Variants in SPOCK3 observed in about 807,000 individuals in gnomAD.
SPOCK3 encodes SPARC (osteonectin), cwcv and kazal like domains proteoglycan 3, also known as testican-3.
SPOCK3 carries 30 observed loss-of-function variants against 56.6 expected under a neutral mutation model. That is an observed-to-expected ratio of 0.53 (90% CI 0.40 to 0.72). SPOCK3 has a LOEUF of 0.72. Ranked by LOEUF, SPOCK3 falls within the 30% of genes least tolerant of loss-of-function variation. The pLI, the probability that SPOCK3 is intolerant of heterozygous loss-of-function variation, is 0.00. For synonymous variants in SPOCK3, 196 were observed against 183.3 expected, an observed-to-expected ratio of 1.07 and a Z score of -0.56; for missense variants, 527 against 530.0, an observed-to-expected ratio of 0.99 and a Z score of 0.06.
At chr4:167,058,083 T>A (rs1755111074) in intron 3 of SPOCK3, among the ~76,000 whole-genome samples, 1 of 152,142 alleles carries the variant, frequency 6.6e-6, no homozygotes, top group Admixed American at 6.5e-5. Context: ...TTTAACAAAC[T>A]GTCTCTCAGA....
intron 2 of SPOCK3, among the ~76,000 whole-genome samples, chr4:167,094,335 C>T (rs929955393): frequency 6.6e-6 from 1 of 152,078 alleles, no homozygotes; most frequent in East Asian, 1.9e-4. Flanking sequence ...TAAATTTACA[C>T]ATACACACTA....
rs561557905 is a variant in SPOCK3, at chr4:167,163,551, C to A, written c.189+70434G>T. 2.0e-5 allele frequency among the ~76,000 whole-genome samples: 3 copies of A among 151,974 alleles called. 1 individual carries two copies. The highest frequency in any genetic ancestry group is 4.4e-5 in the Non-Finnish European group (3 of 67,930). On this transcript the variant is annotated intron_variant, in intron 2 of 10. Coordinates refer to ENST00000357545, the MANE Select transcript of SPOCK3 (RefSeq NM_001040159.2). The stretch of plus-strand genomic sequence containing the variant: ...ATTCATCTAACTATGTTTTTGTAGC[C>A]ATTAACTCTCCCCACTTTCCCCACC...
chr4:167,079,875 G>A (rs2150286873), intron 2 of SPOCK3, among the ~76,000 whole-genome samples: 1 of 152,064 alleles, frequency 6.6e-6, no homozygotes, highest in East Asian at 1.9e-4. Flanking sequence ...CTCTAATGTG[G>A]GTATTAAATT....
chr4:167,175,667 A>G (rs1180403651), intron 2 of SPOCK3, among the ~76,000 whole-genome samples: 1 of 152,078 alleles, frequency 6.6e-6, no homozygotes, highest in Non-Finnish European at 1.5e-5. Context: ...GAGGCTTGGG[A>G]AAGACAGGCA....
At chr4:167,205,294 TCTATAATATATA>T (rs1733992203) in intron 2 of SPOCK3, among the ~76,000 whole-genome samples, 1 of 48,404 alleles carries the variant, frequency 2.1e-5, no homozygotes, top group Non-Finnish European at 4.0e-5. Context: ...ATATTTTATA[TCTATAATATATA>T]TTATATATTT....
intron 2 of SPOCK3, among the ~76,000 whole-genome samples, chr4:167,214,285 AT>A (rs1453295738): frequency 6.6e-6 from 1 of 152,176 alleles, no homozygotes; most frequent in Non-Finnish European, 1.5e-5. Flanking sequence ...ACCTATAAAA[AT>A]ATTTGTCGTT....
intron 2 of SPOCK3, among the ~76,000 whole-genome samples, chr4:167,147,386 G>A (rs1215274769): frequency 6.6e-6 from 1 of 152,142 alleles, no homozygotes; most frequent in Non-Finnish European, 1.5e-5. Context: ...GTACTCCATT[G>A]TGCAAGACAG....
intron 2 of SPOCK3, among the ~76,000 whole-genome samples, chr4:167,086,502 T>G (rs1758211800): frequency 6.6e-6 from 1 of 152,090 alleles, no homozygotes; most frequent in Admixed American, 6.6e-5. Flanking sequence ...TGAACATGGT[T>G]CTGGGTTCTG....
Position 166,737,588 on chromosome 4 carries a change from C to G in SPOCK3, c.1011G>C (p.Leu337=). 1 of 1,612,444 alleles carries G rather than the reference C, an allele frequency of 6.2e-7. No individual in the cohort carries two copies. The highest frequency in any genetic ancestry group is 1.3e-5 in the African/African-American group (1 of 75,018). ...GCTTGTAGTAACCATCTTCATCACACAGGGGGATATACTGTCCTGTTGAAA... is the reference window on the plus strand; with the variant it reads ...GCTTGTAGTAACCATCTTCATCACAGAGGGGGATATACTGTCCTGTTGAAA... The part of the protein sequence containing the change: ...VKKLLGQYIP[L]CDEDGYYKPT... Residue 337 remains leucine (L), a synonymous_variant, in exon 10 of 11, where the codon CTG becomes CTC. Coordinates refer to ENST00000357545, the MANE Select transcript of SPOCK3 (RefSeq NM_001040159.2).
At chr4:167,117,282 T>A (rs1302795754) in intron 2 of SPOCK3, among the ~76,000 whole-genome samples, 9 of 152,086 alleles carry the variant, frequency 5.9e-5, no homozygotes, top group Admixed American at 5.2e-4. Context: ...AAACTGCCAC[T>A]TGTGGGCTGG....
At chr4:167,223,227 TA>T (rs1447662458) in intron 2 of SPOCK3, among the ~76,000 whole-genome samples, 1 of 137,680 alleles carries the variant, frequency 7.3e-6, no homozygotes, top group Non-Finnish European at 1.5e-5. Context: ...ATATATAATA[TA>T]TAATATATTT....
intron 6 of SPOCK3, among the ~76,000 whole-genome samples, chr4:166,862,424 T>C (rs1731331186): frequency 6.6e-6 from 1 of 152,084 alleles, no homozygotes; most frequent in African/African-American, 2.4e-5. Context: ...CATGGGCTCA[T>C]ACACAAGTGA....
At chr4:167,184,504 T>C (rs1332505417) in intron 2 of SPOCK3, among the ~76,000 whole-genome samples, 1 of 152,138 alleles carries the variant, frequency 6.6e-6, no homozygotes, top group Non-Finnish European at 1.5e-5. Flanking sequence ...GGAAGGCACT[T>C]TACCAGAATT....
intron 2 of SPOCK3, among the ~76,000 whole-genome samples, chr4:167,228,735 G>C (rs778400129): frequency 7.9e-5 from 12 of 152,238 alleles, no homozygotes; most frequent in Non-Finnish European, 1.8e-4. Flanking sequence ...CCAGAGCCTA[G>C]CCCTTTGCTG....
intron 6 of SPOCK3, among the ~76,000 whole-genome samples, chr4:166,825,682 TA>T (rs987115686): frequency 4.0e-5 from 6 of 151,864 alleles, no homozygotes; most frequent in Non-Finnish European, 5.9e-5. Context: ...GAATATACCA[TA>T]AAAAAAGTGG....
At chr4:167,151,126 G>T (rs1174968345) in intron 2 of SPOCK3, among the ~76,000 whole-genome samples, 1 of 152,098 alleles carries the variant, frequency 6.6e-6, no homozygotes, top group Non-Finnish European at 1.5e-5. Flanking sequence ...TAGATATGTC[G>T]ATGCCCAGGC....
chr4:167,033,427 G>A (rs1008029433), intron 3 of SPOCK3, among the ~76,000 whole-genome samples: 1 of 143,102 alleles, frequency 7.0e-6, no homozygotes, highest in Non-Finnish European at 1.5e-5. Flanking sequence ...ATTATTAAGG[G>A]TTTGATATGG....
At chr4:167,102,922 GAAAA>G (rs55740507) in intron 2 of SPOCK3, among the ~76,000 whole-genome samples, 2 of 62,516 alleles carry the variant, frequency 3.2e-5, no homozygotes, top group African/African-American at 6.1e-5. Context: ...ATAGCTTGCA[GAAAA>G]AAAAAAAAAA....
Position 166,798,877 on chromosome 4 carries a change from T to C in SPOCK3, c.590-6588A>G, listed in dbSNP as rs554711083. The stretch of plus-strand genomic sequence containing the variant: ...TTGGGAACTTCCAAAAATCAGATTG[T>C]GTAATTCCACAATCAGATAAGCTGA... On this transcript the variant is annotated intron_variant, in intron 6 of 10. Coordinates refer to ENST00000357545, the MANE Select transcript of SPOCK3 (RefSeq NM_001040159.2). 3.3e-5 allele frequency among the ~76,000 whole-genome samples: 5 copies of C among 152,184 alleles called. No homozygotes were observed. In the East Asian group the frequency reaches 7.7e-4, roughly 24 times the overall value.
Sources: allele counts gnomAD v4.1 joint callset (sites outside exome capture counted in the v4.1 genomes callset), GRCh38; gene constraint gnomAD v4.1.1; transcripts MANE v1.5; gene names NCBI Gene and HGNC (gene_info 2026-07-23, HGNC 2026-07-21).